The following CCNH variants were observed in gnomAD, a reference collection of about 807,000 sequenced individuals.
CCNH encodes cyclin H.
In CCNH, 31 loss-of-function variants were observed where a neutral mutation model predicts 41.9. That is an observed-to-expected ratio of 0.74 (90% CI 0.56 to 1.00). CCNH has a LOEUF of 1.00. Ranked by LOEUF, CCNH falls within the 50% of genes least tolerant of loss-of-function variation. The probability of loss-of-function intolerance (pLI) is 0.00; values close to 1 mark genes in which losing one functional copy is unlikely to be tolerated. For missense variants in CCNH, 362 were observed against 388.4 expected, an observed-to-expected ratio of 0.93 and a Z score of 0.57; for synonymous variants, 138 against 136.1, an observed-to-expected ratio of 1.01 and a Z score of -0.10.
intron 9 of CCNH, among the ~76,000 whole-genome samples, chr5:87,338,533 A>ATATATATATATATATATATATATAT (rs1491365794): frequency 1.4e-4 from 13 of 91,300 alleles, no homozygotes; most frequent in South Asian, 3.4e-4. Flanking sequence ...ATATATATAT[A>ATATATATATATATATATATATATAT]AAATTTTTTT....
upstream of CCNH, chr5:87,380,384 C>T (rs1761624859): frequency 1.1e-6 from 1 of 879,982 alleles, no homozygotes; most frequent in Non-Finnish European, 1.9e-6. Context: ...TGGCAAAATA[C>T]TTTTTTGGGT....
downstream of CCNH, chr5:87,390,857 T>C (rs1437757630): frequency 6.2e-7 from 1 of 1,613,368 alleles, no homozygotes; most frequent in Non-Finnish European, 8.5e-7. Flanking sequence ...ACAAAACCAG[T>C]ATACAAAAAC....
At chr5:87,403,222 C>T (rs1763543407) in intron 5 of CCNH, among the ~76,000 whole-genome samples, 1 of 132,274 alleles carries the variant, frequency 7.6e-6, no homozygotes. Flanking sequence ...AAGCATTTCC[C>T]TAAAGGAAAA....
intron 4 of CCNH, among the ~76,000 whole-genome samples, chr5:87,405,531 G>A (rs1346848763): frequency 6.6e-6 from 1 of 152,078 alleles, no homozygotes; most frequent in Admixed American, 6.5e-5. Context: ...TAAGTCCTCA[G>A]ATATCCATAT....
chr5:87,361,399 T>A (rs983808587), intron 9 of CCNH, among the ~76,000 whole-genome samples: 1 of 152,206 alleles, frequency 6.6e-6, no homozygotes, highest in Non-Finnish European at 1.5e-5. Context: ...AACAGCATAA[T>A]GTTTCAAGAT....
At chr5:87,381,042 A>C (rs1457783387), upstream of CCNH, among the ~76,000 whole-genome samples, 1 of 152,200 alleles carries the variant, frequency 6.6e-6, no homozygotes, top group African/African-American at 2.4e-5. Flanking sequence ...CAGTCTGCTC[A>C]TTGTACCATA....
intron 9 of CCNH, among the ~76,000 whole-genome samples, chr5:87,335,129 G>A (rs1240193002): frequency 4.6e-5 from 7 of 152,128 alleles, no homozygotes; most frequent in African/African-American, 1.7e-4. Context: ...TGATCTGCCC[G>A]CCTTGGCCTC....
intron 9 of CCNH, among the ~76,000 whole-genome samples, chr5:87,326,637 G>A (rs865955990): frequency 7.2e-5 from 11 of 152,096 alleles, no homozygotes; most frequent in Non-Finnish European, 7.3e-5. Flanking sequence ...GCAGTTTTAA[G>A]TCATAGTATC....
Position 87,404,875 on chromosome 5 carries a change from T to G in CCNH, c.658A>C (p.Ser220Arg). The change falls in exon 5 of 9, where the codon AGT becomes CGT. Residue 220 changes from serine to arginine, a missense_variant. Transcript: ENST00000256897. ...SQIALTAILS[S>R]ASRAGITMES... is the part of the protein sequence containing the mutation. Reference sequence around the variant, plus strand: ...ATAGTAATTCCAGCCCTGGAGGCACTAGATAAAATGGCAGTCAGGGCAATT... The same window carrying G: ...ATAGTAATTCCAGCCCTGGAGGCACGAGATAAAATGGCAGTCAGGGCAATT... The G allele has an allele frequency of 6.2e-7, 1 of 1,613,534 alleles. No homozygotes were observed. The highest frequency in any genetic ancestry group is 8.5e-7 in the Non-Finnish European group (1 of 1,179,702).
chr5:87,335,414 A>T (rs933570603), intron 9 of CCNH, among the ~76,000 whole-genome samples: 1 of 146,480 alleles, frequency 6.8e-6, no homozygotes, highest in African/African-American at 2.5e-5. Context: ...ATAATAAAGA[A>T]TGAGGTTTTT....
chr5:87,385,619 A>T (rs968045484), intron 9 of CCNH, among the ~76,000 whole-genome samples: 7 of 152,138 alleles, frequency 4.6e-5, no homozygotes, highest in Admixed American at 3.3e-4. Flanking sequence ...TTCAAGGTCC[A>T]GTGTACTCAA....
downstream of CCNH, among the ~76,000 whole-genome samples, chr5:87,388,234 A>C (rs1762203565): frequency 6.6e-6 from 1 of 152,216 alleles, no homozygotes; most frequent in Non-Finnish European, 1.5e-5. Flanking sequence ...CACTGAATGT[A>C]TTCTGAGTAA....
chr5:87,378,269 C>A (rs918529474), upstream of CCNH: 1 of 1,057,106 alleles, frequency 9.5e-7, no homozygotes, highest in Non-Finnish European at 1.5e-6. Flanking sequence ...GTACTTTCAA[C>A]GCTGCACGCA....
chr5:87,410,506 C>T (rs2112583446), intron 2 of CCNH, among the ~76,000 whole-genome samples: 1 of 152,090 alleles, frequency 6.6e-6, no homozygotes, highest in East Asian at 1.9e-4. Flanking sequence ...TTATTCTCTA[C>T]TGGGTCGTAA....
downstream of CCNH, among the ~76,000 whole-genome samples, chr5:87,387,628 A>T (rs1416498813): frequency 3.9e-5 from 6 of 152,138 alleles, no homozygotes; most frequent in Non-Finnish European, 8.8e-5. Flanking sequence ...CTAGGATTGG[A>T]GATTGAGGTG....
At chr5:87,337,199 G>T (rs1382776408) in intron 9 of CCNH, among the ~76,000 whole-genome samples, 1 of 151,994 alleles carries the variant, frequency 6.6e-6, no homozygotes, top group Non-Finnish European at 1.5e-5. Context: ...ATTACTAATG[G>T]TTTTATATTG....
At chr5:87,354,498 T>G (rs1460396598) in intron 9 of CCNH, among the ~76,000 whole-genome samples, 2 of 152,196 alleles carry the variant, frequency 1.3e-5, no homozygotes, top group Non-Finnish European at 2.9e-5. Flanking sequence ...GCAAGCTTAA[T>G]CGATAAATGT....
downstream of CCNH, chr5:87,390,895 C>T: frequency 6.3e-7 from 1 of 1,598,568 alleles, no homozygotes. Flanking sequence ...AGCCTTCGCC[C>T]CAGTGTTCTG....
rs1267148303 is a variant in CCNH at position 87,356,905 on chromosome 5, T to G, written c.*90+35865A>C. On this transcript the variant is annotated intron_variant and NMD_transcript_variant, in intron 9 of 9. Transcript: ENST00000645953. The stretch of plus-strand genomic sequence containing the variant: ...TTCCCGCATGCTTTCCTAGTAGAAT[T>G]TAAGGTCTATGAGAACAGAGATTTT... Among the ~76,000 whole-genome samples, 3 of 152,134 alleles carry G rather than the reference T, an allele frequency of 2.0e-5. No individual in the cohort carries two copies. The East Asian group carries it at 5.8e-4, about 29-fold the overall frequency.
Sources: allele counts gnomAD v4.1 joint callset (sites outside exome capture counted in the v4.1 genomes callset), GRCh38; gene constraint gnomAD v4.1.1; transcripts MANE v1.5; gene names NCBI Gene and HGNC (gene_info 2026-07-23, HGNC 2026-07-21).